EP400: variants seen among roughly 807,000 people sequenced by gnomAD.
The protein encoded by EP400 is E1A binding protein p400.
A neutral mutation model predicts 354.1 loss-of-function variants in EP400; 105 were observed. That is an observed-to-expected ratio of 0.30 (90% confidence interval 0.25 to 0.35). EP400 has a LOEUF of 0.35. EP400 is among the 10% of genes least tolerant of loss of function. The pLI, the probability that EP400 is intolerant of heterozygous loss-of-function variation, is 1.00. For synonymous variants in EP400, 1,646 were observed against 1,716.9 expected (o/e 0.96, Z 1.02); for missense variants, 3,280 against 4,121.0 (o/e 0.80, Z 5.59).
intron 2 of EP400, among the ~76,000 whole-genome samples, chr12:131,972,396 GC>G (rs1892320161): frequency 6.6e-6 from 1 of 151,870 alleles, no homozygotes; most frequent in South Asian, 2.1e-4. Context: ...CTCGTGATCC[GC>G]CCTCCTCGGC....
intron 32 of EP400, among the ~76,000 whole-genome samples, chr12:132,040,518 A>C: frequency 6.6e-6 from 1 of 152,224 alleles, no homozygotes. Flanking sequence ...GTTTCCCAGC[A>C]GCATAGTATT....
chr12:131,985,020 T>G (rs1307734927), intron 5 of EP400, among the ~76,000 whole-genome samples: 1 of 152,246 alleles, frequency 6.6e-6, no homozygotes, highest in East Asian at 1.9e-4. Context: ...CAACTGTTTT[T>G]TTTTTTTTAC....
chr12:131,979,827 G>A, intron 3 of EP400, 34 bp downstream of exon 3: 2 of 1,550,376 alleles, frequency 1.3e-6, no homozygotes, highest in Non-Finnish European at 1.7e-6. Context: ...CCTCGGGAAT[G>A]CCCCCCTCTC....
chr12:132,043,255 C>T, intron 32 of EP400, 49 bp from the exon 33 acceptor site: 3 of 1,569,704 alleles, frequency 1.9e-6, no homozygotes, highest in South Asian at 1.2e-5. Flanking sequence ...TTCAAACTAC[C>T]CTCATTTAAA....
intron 2 of EP400, chr12:131,963,719 T>C: frequency 8.8e-7 from 1 of 1,136,776 alleles, no homozygotes; most frequent in East Asian, 2.6e-5. Flanking sequence ...TTCGATATAC[T>C]ACTTGCTCTT....
chr12:132,027,597 GTTTGGTTGTGATA>G lies in EP400; in HGVS notation c.5109+70_5109+82del. Reference sequence around the variant, plus strand: ...TAGCTTTCCAAGAGCTGCTCGTTGTGTTTGGTTGTGATATTTAAAGGCTCCTGTGAATTCTCAA... The same window carrying G: ...TAGCTTTCCAAGAGCTGCTCGTTGTGTTTAAAGGCTCCTGTGAATTCTCAA... On this transcript the variant is annotated intron_variant, in intron 26 of 52. Coordinates refer to ENST00000389561, the MANE Select transcript of EP400 (RefSeq NM_015409.5). The surrounding 1 kb of genome is among the most constrained non-coding windows in gnomAD (Gnocchi z 4.9). The G allele has an allele frequency of 2.2e-6, 3 of 1,349,914 alleles. No individual in the cohort carries two copies. Among genetic ancestry groups the G allele is most frequent in the Non-Finnish European group, 3.0e-6 (3 of 988,748 alleles). 83.6% of individuals were successfully genotyped at this position (1,349,914 alleles called of 1,614,324 possible). A position where few individuals can be genotyped will look rare whatever the true frequency, so the allele number is the denominator to read the frequency against.
chr12:132,013,088 G>T lies in EP400; in HGVS notation c.3521G>T (p.Arg1174Leu). The change falls in exon 17 of 53, where the codon CGA becomes CTA. Residue 1174 changes from arginine to leucine, a missense_variant. Physicochemically the swap from Arg to Leu is moderately radical, Grantham distance 102 (BLOSUM62 -2). Coordinates refer to ENST00000389561, the MANE Select transcript of EP400 (RefSeq NM_015409.5). This position sits in a 1 kb window ranked among gnomAD's most constrained non-coding sequence, Gnocchi z 4.5. ...TTCCGGGGCCTCACCGCCTTCACAC[G>T]AGTGCGCTGGAAGTGCCTGGTCATT... ...QFFRGLTAFT[R>L]VRWKCLVIDE... 6.2e-7 allele frequency: 1 copy of T among 1,614,088 alleles called. No homozygotes were observed. Among genetic ancestry groups the T allele is most frequent in the Non-Finnish European group, 8.5e-7 (1 of 1,180,032 alleles).
chr12:132,071,028 T>C (rs999128958), intron 51 of EP400, among the ~76,000 whole-genome samples: 2 of 152,240 alleles, frequency 1.3e-5, no homozygotes, highest in East Asian at 1.9e-4. Flanking sequence ...TCTTAAACCC[T>C]TGCTTTCTCC....
At chr12:132,007,232 G>T (rs1333144324) in intron 15 of EP400, among the ~76,000 whole-genome samples, 1 of 152,264 alleles carries the variant, frequency 6.6e-6, no homozygotes, top group South Asian at 2.1e-4. Context: ...TGGGCTCTCA[G>T]CCGTGTGGGG....
chr12:131,954,081 C>T (rs1003703625), intron 1 of EP400, among the ~76,000 whole-genome samples: 4 of 152,034 alleles, frequency 2.6e-5, no homozygotes, highest in Non-Finnish European at 4.4e-5. Context: ...CCGCAGCACT[C>T]GAGTTTAGGT....
At chr12:131,977,294 G>A (rs1216305270) in intron 2 of EP400, among the ~76,000 whole-genome samples, 4 of 151,268 alleles carry the variant, frequency 2.6e-5, no homozygotes, top group African/African-American at 7.3e-5. Context: ...CCGTCACCGC[G>A]TCTGACTAAT....
At chr12:131,971,792 T>C (rs1272398057) in intron 2 of EP400, among the ~76,000 whole-genome samples, 4 of 152,210 alleles carry the variant, frequency 2.6e-5, no homozygotes, top group African/African-American at 7.2e-5. Flanking sequence ...TTATTACTGC[T>C]TTAAATTGTA....
chr12:132,072,967 G>C (rs1237225248), intron 51 of EP400, among the ~76,000 whole-genome samples: 2 of 152,086 alleles, frequency 1.3e-5, no homozygotes, highest in African/African-American at 4.8e-5. Flanking sequence ...GAAGTTTTTG[G>C]TCTGTGTTTT....
chr12:132,024,052 G>A (rs1013094944), intron 24 of EP400, 111 bp downstream of exon 24: 14 of 1,224,722 alleles, frequency 1.1e-5, no homozygotes, highest in African/African-American at 1.6e-5. Context: ...GCTTTTCCCT[G>A]TGTCCGATGA....
rs377541622 is a variant in EP400 at position 131,990,114 on chromosome 12, G to C, written c.2550+10G>C. The C allele has an allele frequency of 6.3e-6, 10 of 1,596,304 alleles. No individual in the cohort carries two copies. Among genetic ancestry groups the C allele is most frequent in the Non-Finnish European group, 8.5e-6 (10 of 1,173,430 alleles). On this transcript the variant is annotated intron_variant, in intron 8 of 52. Transcript: ENST00000389561. The surrounding 1 kb of genome is among the most constrained non-coding windows in gnomAD (Gnocchi z 4.2). ...GTCGAATATTGAACAGGCGAGTGCT[G>C]CCGTTGTCATGGGGTCGTAAGAATC...
chr12:132,000,062 T>C (rs1421577217), intron 12 of EP400, among the ~76,000 whole-genome samples: 1 of 151,928 alleles, frequency 6.6e-6, no homozygotes, highest in Middle Eastern at 3.2e-3. Flanking sequence ...AAAAACATCT[T>C]TTTCTGAGTT....
At chr12:131,992,116 T>C in intron 10 of EP400, 57 bp from the exon 11 acceptor site, 2 of 1,577,196 alleles carry the variant, frequency 1.3e-6, no homozygotes, top group East Asian at 2.2e-5. Flanking sequence ...GCTGTCTTGG[T>C]TTCCCATTCT....
In EP400 at chr12:131,982,418, C is replaced by G. The variant is rs1457083923; in HGVS notation, c.1869C>G (p.Leu623=). ...IPPSQPAQLA[L]HVPTPGKVQV... ...CCTCGCAGCCTGCACAGCTGGCCCTCCACGTTCCCACACCTGGAAAGGTGC... is the reference window on the plus strand; with the variant it reads ...CCTCGCAGCCTGCACAGCTGGCCCTGCACGTTCCCACACCTGGAAAGGTGC... Residue 623 remains leucine, a synonymous_variant, in exon 5 of 53, where the codon CTC becomes CTG. Coordinates refer to ENST00000389561, the MANE Select transcript of EP400 (RefSeq NM_015409.5). 1 of 1,614,034 alleles carries G rather than the reference C, an allele frequency of 6.2e-7. No homozygotes were observed. Among genetic ancestry groups the G allele is most frequent in the African/African-American group, 1.3e-5 (1 of 74,938 alleles).
chr12:131,980,620 A>T (rs993962669), intron 3 of EP400, among the ~76,000 whole-genome samples: 1 of 152,082 alleles, frequency 6.6e-6, no homozygotes, highest in Admixed American at 6.5e-5. Context: ...ATCATGGCTC[A>T]CTGCAGCCTC....
Sources: allele counts gnomAD v4.1 joint callset (sites outside exome capture counted in the v4.1 genomes callset), GRCh38; gene constraint gnomAD v4.1.1; non-coding constraint Gnocchi (gnomAD v3.1); transcripts MANE v1.5; gene names NCBI Gene and HGNC (gene_info 2026-07-23, HGNC 2026-07-21).